The following TBC1D15 variants were observed in gnomAD, a reference collection of about 807,000 sequenced individuals.
TBC1D15 encodes the protein GAP for RAB7.
In TBC1D15, 39 loss-of-function variants were observed where a neutral mutation model predicts 95.4. The observed-to-expected ratio is 0.41, with a 90% CI of 0.32 to 0.53. The LOEUF is 0.53. Among genes scored for constraint, TBC1D15 ranks in the 20% least tolerant of loss-of-function variants. The probability of loss-of-function intolerance (pLI) is 0.29; values close to 1 mark genes in which losing one functional copy is unlikely to be tolerated. For synonymous variants in TBC1D15, 258 were observed against 261.3 expected, an observed-to-expected ratio of 0.99 and a Z score of 0.12; for missense variants, 733 against 794.3, an observed-to-expected ratio of 0.92 and a Z score of 0.93.
chr12:71,869,653 A>C (rs1264228716), intron 1 of TBC1D15, among the ~76,000 whole-genome samples: 2 of 152,214 alleles, frequency 1.3e-5, no homozygotes, highest in Non-Finnish European at 2.9e-5. Context: ...TATGCTGAAC[A>C]AGTCTAGAGA....
rs1284746677 is a variant in TBC1D15 at position 71,858,966 on chromosome 12, A to G, written c.31-13104A>G. Among the ~76,000 whole-genome samples, 7 of 147,274 alleles carry G rather than the reference A, an allele frequency of 4.8e-5. No homozygotes were observed. The East Asian group carries it at 1.4e-3, about 29-fold the overall frequency. On this transcript the variant is annotated intron_variant, in intron 1 of 16. Coordinates refer to ENST00000485960, the MANE Select transcript of TBC1D15 (RefSeq NM_001146213.3). ...GTTATCTTTTCTCCATATCCTCACC[A>G]GCATTTTTTTTTTTTTTTGTAGTTT...
chr12:71,870,929 C>G (rs1892536548), intron 1 of TBC1D15, among the ~76,000 whole-genome samples: 1 of 152,110 alleles, frequency 6.6e-6, no homozygotes, highest in Non-Finnish European at 1.5e-5. Context: ...TCTTGCATTG[C>G]TGACCCATGA....
intron 1 of TBC1D15, among the ~76,000 whole-genome samples, chr12:71,857,140 G>C (rs1889279894): frequency 6.6e-6 from 1 of 151,414 alleles, no homozygotes. Flanking sequence ...GGGTGGGGGG[G>C]CATCTTGCTT....
At chr12:71,855,374 G>GA (rs1888793499) in intron 1 of TBC1D15, among the ~76,000 whole-genome samples, 2 of 152,056 alleles carry the variant, frequency 1.3e-5, no homozygotes, top group African/African-American at 4.8e-5. Context: ...TTCATATAGT[G>GA]AAAATCATAC....
intron 1 of TBC1D15, among the ~76,000 whole-genome samples, chr12:71,859,647 G>C (rs1364475740): frequency 6.6e-6 from 1 of 151,124 alleles, no homozygotes; most frequent in Non-Finnish European, 1.5e-5. Flanking sequence ...TCACTATGTT[G>C]CCCGGGCTGG....
chr12:71,909,171 A>G (rs1901557196), intron 11 of TBC1D15, among the ~76,000 whole-genome samples: 1 of 152,228 alleles, frequency 6.6e-6, no homozygotes, highest in African/African-American at 2.4e-5. Flanking sequence ...CTATATAGAC[A>G]TTTCAGTTAC....
Position 71,894,795 on chromosome 12 carries a change from C to T in TBC1D15, c.767C>T (p.Pro256Leu), listed in dbSNP as rs752890787. ...GATCCCTCTACACATCAACGACCAC[C>T]TTCAGAAATGGCAGATTTTCTTAGT... ...GSDPSTHQRP[P>L]SEMADFLSDA... Residue 256 changes from proline (P) to leucine (L), a missense_variant, in exon 7 of 17, where the codon CCT becomes CTT. Pro to Leu is a moderately conservative substitution (Grantham distance 98, BLOSUM62 -3). Coordinates refer to ENST00000485960, the MANE Select transcript of TBC1D15 (RefSeq NM_001146213.3). The T allele has an allele frequency of 6.2e-7, 1 of 1,613,334 alleles. No homozygotes were observed. The highest frequency in any genetic ancestry group is 8.5e-7 in the Non-Finnish European group (1 of 1,179,444).
At chr12:71,897,612 T>C (rs1387140480) in intron 9 of TBC1D15, among the ~76,000 whole-genome samples, 1 of 152,070 alleles carries the variant, frequency 6.6e-6, no homozygotes, top group East Asian at 1.9e-4. Flanking sequence ...CCTAAAATTA[T>C]TCTAGTAGTT....
At chr12:71,904,196 A>G (rs1364468427) in intron 10 of TBC1D15, among the ~76,000 whole-genome samples, 1 of 152,220 alleles carries the variant, frequency 6.6e-6, no homozygotes, top group East Asian at 1.9e-4. Context: ...CAAGTGAAGA[A>G]AGTATTTCAA....
intron 1 of TBC1D15, among the ~76,000 whole-genome samples, chr12:71,864,052 CT>C (rs762586889): frequency 5.9e-4 from 89 of 149,976 alleles, no homozygotes; most frequent in Non-Finnish European, 1.1e-3. Flanking sequence ...GTTATGTTCC[CT>C]TGGTGGTGTC....
chr12:71,894,992 C>A, intron 7 of TBC1D15, 109 bp downstream of exon 7: 1 of 1,060,470 alleles, frequency 9.4e-7, no homozygotes, highest in Non-Finnish European at 1.3e-6. Context: ...ATAATCTGTT[C>A]TTAACAACTT....
At chr12:71,871,100 G>T (rs984860167) in intron 1 of TBC1D15, among the ~76,000 whole-genome samples, 5 of 152,090 alleles carry the variant, frequency 3.3e-5, no homozygotes, top group African/African-American at 1.2e-4. Context: ...TGGGTCTCAA[G>T]AATGGAATCT....
At chr12:71,876,084 C>T (rs1285208862) in intron 3 of TBC1D15, among the ~76,000 whole-genome samples, 1 of 152,166 alleles carries the variant, frequency 6.6e-6, no homozygotes, top group Non-Finnish European at 1.5e-5. Context: ...TGAGACACTA[C>T]ACCTAGCCCT....
intron 11 of TBC1D15, among the ~76,000 whole-genome samples, chr12:71,911,526 A>G (rs1394570935): frequency 5.3e-5 from 8 of 150,928 alleles, no homozygotes; most frequent in Admixed American, 4.6e-4. Context: ...CGCAAGGACA[A>G]AAAACCAAAC....
At chr12:71,888,941 A>G (rs1026615558) in intron 5 of TBC1D15, among the ~76,000 whole-genome samples, 16 of 151,772 alleles carry the variant, frequency 1.1e-4, no homozygotes, top group African/African-American at 3.9e-4. Context: ...GAAAGCAGTA[A>G]TCAAAAAAGA....
chr12:71,889,705 C>T (rs1415818214), intron 5 of TBC1D15, among the ~76,000 whole-genome samples: 6 of 152,090 alleles, frequency 3.9e-5, no homozygotes, highest in South Asian at 2.1e-4. Context: ...CTGCATGTCA[C>T]GGGGTTTTGG....
chr12:71,917,184 T>A (rs1903918964), intron 12 of TBC1D15, among the ~76,000 whole-genome samples: 1 of 152,278 alleles, frequency 6.6e-6, no homozygotes, highest in East Asian at 1.9e-4. Flanking sequence ...GCCTTTGCAC[T>A]TGTGAAAGAA....
In TBC1D15 at chr12:71,872,993, A is replaced by G. The variant is rs746867460; in HGVS notation, c.194A>G (p.Tyr65Cys). 34 of 1,605,746 alleles carry G rather than the reference A, an allele frequency of 2.1e-5. No individual in the cohort carries two copies. Among genetic ancestry groups the G allele is most frequent in the Non-Finnish European group, 2.5e-5 (30 of 1,176,980 alleles). ...DDALDSSSIL[Y>C]ARKDSSSVVE... ...GCATTAGATTCCTCTAGTATTCTCT[A>G]TGCTAGAAAGGTATTTAAGAAAAAA... Residue 65 changes from tyrosine (Y) to cysteine (C), a missense_variant, in exon 3 of 17, where the codon TAT becomes TGT. Coordinates refer to ENST00000485960, the MANE Select transcript of TBC1D15 (RefSeq NM_001146213.3).
At chr12:71,880,024 T>G (rs1360761043) in intron 3 of TBC1D15, among the ~76,000 whole-genome samples, 1 of 152,232 alleles carries the variant, frequency 6.6e-6, no homozygotes, top group Non-Finnish European at 1.5e-5. Context: ...TGATTGCCTG[T>G]AAGAAATTAT....
Sources: allele counts gnomAD v4.1 joint callset (sites outside exome capture counted in the v4.1 genomes callset), GRCh38; gene constraint gnomAD v4.1.1; transcripts MANE v1.5; gene names NCBI Gene and HGNC (gene_info 2026-07-23, HGNC 2026-07-21).